SLC25A48: variants seen among roughly 807,000 people sequenced by gnomAD.
The protein encoded by SLC25A48 is solute carrier family 25 member 48.
SLC25A48 carries 29 observed loss-of-function variants against 32.2 expected under a neutral mutation model. The observed-to-expected ratio is 0.90, with a 90% CI of 0.67 to 1.23. SLC25A48 has a LOEUF of 1.23. Ranked by LOEUF, SLC25A48 falls within the 50% of genes most tolerant of loss-of-function variation. The pLI, the probability that SLC25A48 is intolerant of heterozygous loss-of-function variation, is 0.00. For synonymous variants in SLC25A48, 164 were observed against 172.3 expected, an observed-to-expected ratio of 0.95 and a Z score of 0.38; for missense variants, 399 against 422.7, an observed-to-expected ratio of 0.94 and a Z score of 0.49.
intron 3 of SLC25A48, among the ~76,000 whole-genome samples, chr5:135,739,698 T>C (rs1313466357): frequency 2.6e-5 from 4 of 152,204 alleles, no homozygotes; most frequent in Non-Finnish European, 5.9e-5. Context: ...GCATTTTCCA[T>C]GTGTTGACAC....
At chr5:135,836,180 C>T (rs1249654333) in intron 1 of SLC25A48, among the ~76,000 whole-genome samples, 1 of 152,150 alleles carries the variant, frequency 6.6e-6, no homozygotes, top group Non-Finnish European at 1.5e-5. Flanking sequence ...AGGGCTGAGT[C>T]AGAGTAGTTC....
At chr5:135,628,733 T>C (rs1752493564) in intron 1 of SLC25A48, among the ~76,000 whole-genome samples, 1 of 145,172 alleles carries the variant, frequency 6.9e-6, no homozygotes, top group South Asian at 2.3e-4. Context: ...AGAACAGAGA[T>C]GGTAGATATA....
Position 135,713,053 on chromosome 5 carries a change from G to A in SLC25A48, c.-521+78097G>A, listed in dbSNP as rs180781335. 5.9e-5 allele frequency among the ~76,000 whole-genome samples: 9 copies of A among 152,240 alleles called. No individual in the cohort carries two copies. In the East Asian group the frequency reaches 1.4e-3, roughly 23 times the overall value. On this transcript the variant is annotated intron_variant, in intron 3 of 10. Transcript: ENST00000646290. ...AACCAACTTATATTTTGGGTTTAACGAACAGTGATCGCTCAGCATTAACCT... is the reference window on the plus strand; with the variant it reads ...AACCAACTTATATTTTGGGTTTAACAAACAGTGATCGCTCAGCATTAACCT...
chr5:135,714,112 G>A lies in SLC25A48; in HGVS notation c.-521+79156G>A, dbSNP rs905543034. On this transcript the variant is annotated intron_variant, in intron 3 of 10. Transcript: ENST00000646290. ...CCCACCCCTACCATTCCCTGGGGGC[G>A]CTGGGCTCCAGCTATCCACCTGGAG... Among the ~76,000 whole-genome samples the A allele has an allele frequency of 7.9e-5, 12 of 152,304 alleles. No individual in the cohort carries two copies. In the East Asian group the frequency reaches 1.5e-3, roughly 20 times the overall value.
chr5:135,607,787 T>C (rs1751972233), intron 1 of SLC25A48, among the ~76,000 whole-genome samples: 1 of 152,218 alleles, frequency 6.6e-6, no homozygotes. Flanking sequence ...GGCCCATTTT[T>C]ACTTTGGTAG....
At chr5:135,846,255 CTG>C (rs1211853038) in intron 2 of SLC25A48, among the ~76,000 whole-genome samples, 1 of 152,208 alleles carries the variant, frequency 6.6e-6, no homozygotes, top group Non-Finnish European at 1.5e-5. Flanking sequence ...TTCCACAAAA[CTG>C]GTTCCTGGCG....
intron 3 of SLC25A48, among the ~76,000 whole-genome samples, chr5:135,711,388 C>T (rs561983775): frequency 3.9e-5 from 6 of 152,102 alleles, no homozygotes; most frequent in Admixed American, 6.6e-5. Context: ...CAAGCAGCAT[C>T]GAGAAGACGG....
intron 4 of SLC25A48, among the ~76,000 whole-genome samples, chr5:135,871,143 C>T (rs1485792740): frequency 1.3e-5 from 2 of 150,974 alleles, no homozygotes; most frequent in African/African-American, 2.4e-5. Context: ...CAAAGAAGAG[C>T]TTAGTGTGGC....
intron 3 of SLC25A48, among the ~76,000 whole-genome samples, chr5:135,743,430 A>C (rs1281418044): frequency 1.3e-5 from 2 of 152,026 alleles, no homozygotes; most frequent in Non-Finnish European, 2.9e-5. Context: ...GGTAGAGGCC[A>C]GGGATTGTGC....
At chr5:135,874,611 C>G (rs1401693467) in intron 6 of SLC25A48, 1 of 675,392 alleles carries the variant, frequency 1.5e-6, no homozygotes, top group East Asian at 2.8e-5. Flanking sequence ...TGTGAACTGC[C>G]TTCTGCTCTC....
chr5:135,856,072 G>A (rs1306727528), intron 4 of SLC25A48, among the ~76,000 whole-genome samples: 2 of 152,210 alleles, frequency 1.3e-5, no homozygotes, highest in Non-Finnish European at 2.9e-5. Context: ...GCCGGCTTTG[G>A]AGGAAGGATA....
chr5:135,788,318 G>C (rs577318707), intron 3 of SLC25A48, among the ~76,000 whole-genome samples: 1 of 151,108 alleles, frequency 6.6e-6, no homozygotes, highest in Non-Finnish European at 1.5e-5. Flanking sequence ...AATATCCGGG[G>C]GGAGAGAGGT....
intron 4 of SLC25A48, among the ~76,000 whole-genome samples, chr5:135,870,499 C>A (rs1350077567): frequency 3.3e-5 from 5 of 152,170 alleles, no homozygotes; most frequent in African/African-American, 1.2e-4. Flanking sequence ...TGGAGACAAA[C>A]AACCCCTGAG....
intron 3 of SLC25A48, among the ~76,000 whole-genome samples, chr5:135,806,873 T>A (rs2126647781): frequency 6.6e-6 from 1 of 150,478 alleles, no homozygotes; most frequent in Non-Finnish European, 1.5e-5. Context: ...ATTTCAATAA[T>A]ATCACAGTGT....
At chr5:135,746,542 A>G (rs991686853) in intron 3 of SLC25A48, among the ~76,000 whole-genome samples, 6 of 152,176 alleles carry the variant, frequency 3.9e-5, no homozygotes, top group Non-Finnish European at 7.3e-5. Flanking sequence ...CCGGTGCAAA[A>G]TAAGTCTCCA....
At chr5:135,689,811 T>C (rs563380928) in intron 3 of SLC25A48, among the ~76,000 whole-genome samples, 1 of 152,344 alleles carries the variant, frequency 6.6e-6, no homozygotes, top group Admixed American at 6.5e-5. Flanking sequence ...AAAGTGATCT[T>C]CCCATCATGG....
chr5:135,743,057 T>C (rs919348903), intron 3 of SLC25A48, among the ~76,000 whole-genome samples: 16 of 28,396 alleles, frequency 5.6e-4, no homozygotes, highest in Non-Finnish European at 8.3e-4. Flanking sequence ...TCCCCTCCCC[T>C]CCCTTCCCTT....
At chr5:135,821,257 G>A (rs1200806300) in intron 4 of SLC25A48, among the ~76,000 whole-genome samples, 2 of 152,192 alleles carry the variant, frequency 1.3e-5, no homozygotes. Context: ...GGCTCTGTGG[G>A]ACAAAGCAGA....
intron 3 of SLC25A48, among the ~76,000 whole-genome samples, chr5:135,644,797 T>C (rs920472079): frequency 3.3e-5 from 5 of 152,152 alleles, no homozygotes; most frequent in African/African-American, 1.2e-4. Context: ...GGAGGTCACT[T>C]TCCCAAGTGT....
Sources: allele counts gnomAD v4.1 joint callset (sites outside exome capture counted in the v4.1 genomes callset), GRCh38; gene constraint gnomAD v4.1.1; transcripts MANE v1.5; gene names NCBI Gene and HGNC (gene_info 2026-07-23, HGNC 2026-07-21).